Variants in C10orf90 observed in about 807,000 individuals in gnomAD.
C10orf90 encodes (E2-independent) E3 ubiquitin-conjugating enzyme FATS.
In C10orf90, 56 loss-of-function variants were observed where a neutral mutation model predicts 62.5. The observed-to-expected ratio is 0.90, with a 90% CI of 0.72 to 1.12. The LOEUF is 1.12. Ranked by LOEUF, C10orf90 falls within the 50% of genes most tolerant of loss-of-function variation. C10orf90 has a pLI of 0.00. For missense variants in C10orf90, 970 were observed against 880.4 expected (o/e 1.10, Z -1.29); for synonymous variants, 386 against 340.4 (o/e 1.13, Z -1.47).
chr10:126,431,059 C>T (rs1302099841), intron 7 of C10orf90, among the ~76,000 whole-genome samples: 21 of 152,136 alleles, frequency 1.4e-4, no homozygotes, highest in Admixed American at 1.0e-3. Context: ...CATCGCTTAA[C>T]TTCAAAGACA....
chr10:126,590,932 T>C (rs1202647779), intron 2 of C10orf90, among the ~76,000 whole-genome samples: 1 of 152,118 alleles, frequency 6.6e-6, no homozygotes, highest in East Asian at 1.9e-4. Flanking sequence ...GCACATAAAC[T>C]AGAAAATCTA....
At chr10:126,614,452 C>A (rs116849141) in intron 2 of C10orf90, among the ~76,000 whole-genome samples, 4,758 of 152,224 alleles carry the variant, frequency 0.031, 105 homozygotes, top group Non-Finnish European at 0.046. Context: ...TAAAAAAAGC[C>A]TATGGCAACA....
At chr10:126,564,835 T>TATATATAATATATATAATATATA (rs1281945006) in intron 2 of C10orf90, among the ~76,000 whole-genome samples, 5 of 3,192 alleles carry the variant, frequency 1.6e-3, no homozygotes, top group Non-Finnish European at 3.2e-3. Context: ...TCTCTCTCTA[T>TATATATAATATATATAATATATA]ATATATATTA....
chr10:126,562,220 C>A lies in C10orf90; in HGVS notation c.314-48281G>T, dbSNP rs146682072. Among the ~76,000 whole-genome samples, 854 of 152,270 alleles carry A rather than the reference C, an allele frequency of 5.6e-3. 8 individuals carry two copies. The highest frequency in any genetic ancestry group is 0.02 in the African/African-American group (822 of 41,558). On this transcript the variant is annotated intron_variant, in intron 2 of 9. Transcript: ENST00000488181. ...GGCCCTCATCTCACTGCTGCGTGCA[C>A]GTGCTAGCATCTGCCAACTTCCCAC...
At chr10:126,609,558 AACAG>A (rs2133799307) in intron 2 of C10orf90, among the ~76,000 whole-genome samples, 1 of 152,324 alleles carries the variant, frequency 6.6e-6, no homozygotes, top group South Asian at 2.1e-4. Context: ...AACAAAGCAA[AACAG>A]ACAAATTGCG....
chr10:126,431,645 C>T (rs577629995), intron 7 of C10orf90, among the ~76,000 whole-genome samples: 1 of 152,194 alleles, frequency 6.6e-6, no homozygotes, highest in Admixed American at 6.5e-5. Context: ...CAGCAATCCT[C>T]ATGGGCTACT....
At chr10:126,574,072 T>C (rs532853182) in intron 2 of C10orf90, among the ~76,000 whole-genome samples, 5 of 152,236 alleles carry the variant, frequency 3.3e-5, no homozygotes, top group African/African-American at 9.6e-5. Context: ...AGTAAAGCCA[T>C]AGAAGTATAA....
At chr10:126,511,373 C>T (rs1457259242) in intron 3 of C10orf90, among the ~76,000 whole-genome samples, 1 of 152,140 alleles carries the variant, frequency 6.6e-6, no homozygotes, top group Non-Finnish European at 1.5e-5. Flanking sequence ...GTAAGATATA[C>T]ATAACATTTA....
chr10:126,559,763 A>T (rs979189557), intron 2 of C10orf90, among the ~76,000 whole-genome samples: 1 of 152,206 alleles, frequency 6.6e-6, no homozygotes, highest in Non-Finnish European at 1.5e-5. Context: ...AGTACCAGCC[A>T]AGTCAGGATA....
intron 1 of C10orf90, among the ~76,000 whole-genome samples, chr10:126,647,250 C>G (rs914525219): frequency 6.6e-6 from 1 of 152,196 alleles, no homozygotes. Context: ...TCATTCCATA[C>G]TGGGTTTGCC....
chr10:126,591,233 G>A (rs1844973071), intron 2 of C10orf90, among the ~76,000 whole-genome samples: 1 of 152,098 alleles, frequency 6.6e-6, no homozygotes, highest in South Asian at 2.1e-4. Flanking sequence ...ACCTGGCAGA[G>A]ATACAACAAA....
intron 2 of C10orf90, among the ~76,000 whole-genome samples, chr10:126,555,247 G>A (rs1002526505): frequency 1.3e-5 from 2 of 152,100 alleles, no homozygotes; most frequent in East Asian, 3.8e-4. Context: ...AATGGATTGG[G>A]CTTTGGTAGC....
intron 8 of C10orf90, 95 bp downstream of exon 8, chr10:126,429,692 C>A (rs1282855840): frequency 3.1e-6 from 3 of 973,470 alleles, no homozygotes; most frequent in South Asian, 1.4e-5. Flanking sequence ...AAACATGGAC[C>A]TAGAAGCAGT....
intron 2 of C10orf90, among the ~76,000 whole-genome samples, chr10:126,548,515 C>T (rs535868182): frequency 7.2e-5 from 11 of 152,172 alleles, no homozygotes; most frequent in East Asian, 5.8e-4. Flanking sequence ...TACAGGCACA[C>T]GCCACCACAC....
intron 7 of C10orf90, among the ~76,000 whole-genome samples, chr10:126,449,246 A>C (rs959528329): frequency 1.3e-5 from 2 of 152,248 alleles, no homozygotes; most frequent in African/African-American, 4.8e-5. Flanking sequence ...AAAAATCAAT[A>C]AATGTGCTTT....
At chr10:126,483,161 A>G (rs1348355924) in intron 4 of C10orf90, among the ~76,000 whole-genome samples, 2 of 152,270 alleles carry the variant, frequency 1.3e-5, no homozygotes, top group Non-Finnish European at 2.9e-5. Flanking sequence ...GCCTGTGGCC[A>G]GCAGATTCTG....
At chr10:126,646,883 C>T (rs1846182785) in intron 1 of C10orf90, among the ~76,000 whole-genome samples, 1 of 152,100 alleles carries the variant, frequency 6.6e-6, no homozygotes, top group Non-Finnish European at 1.5e-5. Flanking sequence ...GGAAAGGAAA[C>T]TAGAAAAATT....
Position 126,464,845 on chromosome 10 carries a change from G to T in C10orf90, c.1676C>A (p.Ser559Tyr), listed in dbSNP as rs1437872107. 1 of 1,614,142 alleles carries T rather than the reference G, an allele frequency of 6.2e-7. No individual in the cohort carries two copies. Among genetic ancestry groups the T allele is most frequent in the Non-Finnish European group, 8.5e-7 (1 of 1,180,038 alleles). The change falls in exon 5 of 10, where the codon TCT (serine) becomes TAT (tyrosine). Residue 559 changes from serine to tyrosine, a missense_variant. Coordinates refer to ENST00000488181, the MANE Select transcript of C10orf90 (RefSeq NM_001350921.2). ...GDSSPSDDCL[S>Y]RDLSEPTERR... ...CTCTGTGGGCTCAGAAAGGTCTCTA[G>T]ACAGACAGTCATCGCTTGGAGAGCT...
intron 2 of C10orf90, among the ~76,000 whole-genome samples, chr10:126,576,684 C>A (rs1591113954): frequency 2.4e-5 from 1 of 42,102 alleles, no homozygotes; most frequent in Non-Finnish European, 4.4e-5. Flanking sequence ...TATACATATA[C>A]ATATACATGT....
Sources: allele counts gnomAD v4.1 joint callset (sites outside exome capture counted in the v4.1 genomes callset), GRCh38; gene constraint gnomAD v4.1.1; transcripts MANE v1.5; gene names NCBI Gene and HGNC (gene_info 2026-07-23, HGNC 2026-07-21).